The following ARHGEF28 variants were observed in gnomAD, a reference collection of about 807,000 sequenced individuals.
The protein encoded by ARHGEF28 is Rho guanine nucleotide exchange factor 28, also known as 190 kDa guanine nucleotide exchange factor.
ARHGEF28 carries 152 observed loss-of-function variants against 206.6 expected under a neutral mutation model. The observed-to-expected ratio is 0.74, with a 90% CI of 0.64 to 0.84. ARHGEF28 has a LOEUF of 0.84. ARHGEF28 is among the 40% of genes least tolerant of loss of function. ARHGEF28 has a pLI of 0.00. For missense variants in ARHGEF28, 2,028 were observed against 2,073.2 expected (o/e 0.98, Z 0.42); for synonymous variants, 763 against 776.4 (o/e 0.98, Z 0.29).
intron 7 of ARHGEF28, 83 bp from the exon 8 acceptor site, chr5:73,794,319 C>T: frequency 8.5e-7 from 1 of 1,171,978 alleles, no homozygotes; most frequent in Non-Finnish European, 1.2e-6. Context: ...CTGGGCAACT[C>T]ATTTACACTT....
At chr5:73,721,431 A>G (rs1411166700) in intron 2 of ARHGEF28, among the ~76,000 whole-genome samples, 2 of 152,218 alleles carry the variant, frequency 1.3e-5, no homozygotes, top group African/African-American at 4.8e-5. Context: ...GCAAATAGGG[A>G]AAAATCTGAA....
chr5:73,793,841 A>G (rs554109578), intron 7 of ARHGEF28, among the ~76,000 whole-genome samples: 1 of 147,076 alleles, frequency 6.8e-6, no homozygotes, highest in African/African-American at 2.5e-5. Flanking sequence ...CCTGACCACT[A>G]CTGTTTCCAG....
intron 2 of ARHGEF28, among the ~76,000 whole-genome samples, chr5:73,740,623 C>T (rs1265167207): frequency 6.6e-6 from 1 of 152,180 alleles, no homozygotes; most frequent in Non-Finnish European, 1.5e-5. Flanking sequence ...ACCATTTACC[C>T]ATGAGTCGTC....
intron 14 of ARHGEF28, among the ~76,000 whole-genome samples, chr5:73,853,573 CTT>C (rs1477475413): frequency 6.6e-6 from 1 of 151,758 alleles, no homozygotes; most frequent in East Asian, 1.9e-4. Flanking sequence ...AGAATAGAAA[CTT>C]TCAAATGATA....
At chr5:73,771,575 C>T (rs1753226976) in intron 4 of ARHGEF28, among the ~76,000 whole-genome samples, 1 of 151,472 alleles carries the variant, frequency 6.6e-6, no homozygotes, top group Admixed American at 6.6e-5. Flanking sequence ...GAAATTCCAT[C>T]TTAGTATGCC....
chr5:73,907,830 C>A (rs1228854903), intron 33 of ARHGEF28, among the ~76,000 whole-genome samples: 1 of 152,114 alleles, frequency 6.6e-6, no homozygotes, highest in Non-Finnish European at 1.5e-5. Flanking sequence ...GGCCTTATCC[C>A]AAATGTTAGA....
At chr5:73,917,016 C>G (rs1401701922) in intron 35 of ARHGEF28, among the ~76,000 whole-genome samples, 1 of 152,126 alleles carries the variant, frequency 6.6e-6, no homozygotes. Context: ...AATATTGAAT[C>G]CATTTCCTAT....
rs1473471505 is a variant in ARHGEF28, at chr5:73,909,488, G to A, written c.4238G>A (p.Gly1413Asp). ...CAGCAGCAGGAGGGCCTGTCTCTCG[G>A]CCACTCTATCCTCCGAGGCGGCCCC... is the stretch of plus-strand genomic sequence containing the variant. Reference protein sequence around the residue: ...VLQQQEGLSLGHSILRGGPLQ... With the variant: ...VLQQQEGLSLDHSILRGGPLQ... Residue 1413 changes from glycine to aspartate, a missense_variant, in exon 34 of 36, where the codon GGC becomes GAC. Physicochemically the swap from Gly to Asp is moderately conservative, Grantham distance 94 (BLOSUM62 -1). Transcript: ENST00000513042. The A allele has an allele frequency of 6.2e-7, 1 of 1,612,288 alleles. No individual in the cohort carries two copies. Among genetic ancestry groups the A allele is most frequent in the South Asian group, 1.1e-5 (1 of 90,832 alleles).
At position 73,658,139 on chromosome 5, in the gene ARHGEF28, T is replaced by TAA. The variant is rs35220235; in HGVS notation, c.-11-26689_-11-26688dup. On this transcript the variant is annotated intron_variant, in intron 1 of 35. Coordinates refer to ENST00000513042, the MANE Select transcript of ARHGEF28 (RefSeq NM_001177693.2). ...TTGGGTAGAAAGGAAGTCCTTTTTT[T>TAA]AAAAAAAAAAAAAACTCAATTAACA... is the stretch of plus-strand genomic sequence containing the variant. Among the ~76,000 whole-genome samples, 572 of 146,506 alleles carry TAA rather than the reference T, an allele frequency of 3.9e-3. 2 individuals carry two copies. The highest frequency in any genetic ancestry group is 9.2e-3 in the African/African-American group (366 of 39,828).
rs528860427 is a variant in ARHGEF28, at chr5:73,853,708, A to T, written c.1790+1016A>T. On this transcript the variant is annotated intron_variant, in intron 14 of 35. Coordinates refer to ENST00000513042, the MANE Select transcript of ARHGEF28 (RefSeq NM_001177693.2). Reference sequence around the variant, plus strand: ...TTACTGACAAATATTGAACATTTGTATGTGCCTTGTACTGTTTTAAGCAGT... The same window carrying T: ...TTACTGACAAATATTGAACATTTGTTTGTGCCTTGTACTGTTTTAAGCAGT... 1.7e-4 allele frequency among the ~76,000 whole-genome samples: 26 copies of T among 152,338 alleles called. No individual in the cohort carries two copies. In the South Asian group the frequency reaches 5.2e-3, roughly 30 times the overall value.
Position 73,769,031 on chromosome 5 carries a change from C to T in ARHGEF28, c.476-4824C>T, listed in dbSNP as rs572599350. Among the ~76,000 whole-genome samples the T allele has an allele frequency of 7.7e-4, 117 of 151,828 alleles. 1 individual carries two copies. The highest frequency in any genetic ancestry group is 2.6e-3 in the African/African-American group (107 of 41,120). ...GTAAGAAGTGCCTTTTGCCTTCCAC[C>T]ATGATTGTGAGGCCTCCCTAGCCAT... On this transcript the variant is annotated intron_variant, in intron 4 of 35. Coordinates refer to ENST00000513042, the MANE Select transcript of ARHGEF28 (RefSeq NM_001177693.2).
At chr5:73,749,796 A>C in intron 2 of ARHGEF28, 41 bp from the exon 3 acceptor site, 1 of 1,609,448 alleles carries the variant, frequency 6.2e-7, no homozygotes. Context: ...TAGAGCCAGG[A>C]CAAGGAAGTC....
chr5:73,780,118 C>G (rs1020957998), intron 6 of ARHGEF28, among the ~76,000 whole-genome samples: 1 of 152,128 alleles, frequency 6.6e-6, no homozygotes, highest in Admixed American at 6.5e-5. Flanking sequence ...AAAGGAAATT[C>G]GGATGGTCCC....
intron 1 of ARHGEF28, among the ~76,000 whole-genome samples, chr5:73,672,771 C>A (rs1366151286): frequency 6.6e-6 from 1 of 152,184 alleles, no homozygotes; most frequent in African/African-American, 2.4e-5. Context: ...TGAGAACAAG[C>A]TTTTAAAGGG....
chr5:73,846,173 C>G lies in ARHGEF28; in HGVS notation c.1428-95C>G. 5 of 1,163,642 alleles carry G rather than the reference C, an allele frequency of 4.3e-6. No homozygotes were observed. In the South Asian group the frequency reaches 5.5e-5, roughly 13 times the overall value. 72.1% of individuals were successfully genotyped at this position (1,163,642 alleles called of 1,614,324 possible). ...ATGAATACCTATTGCACCCCCCCCGCCCCAGTGAAAGAATCTGGATTCAGA... is the reference window on the plus strand; with the variant it reads ...ATGAATACCTATTGCACCCCCCCCGGCCCAGTGAAAGAATCTGGATTCAGA... On this transcript the variant is annotated intron_variant, in intron 11 of 35. Transcript: ENST00000513042.
chr5:73,714,451 A>C (rs1749444686), intron 2 of ARHGEF28, among the ~76,000 whole-genome samples: 1 of 152,192 alleles, frequency 6.6e-6, no homozygotes, highest in East Asian at 1.9e-4. Context: ...CGGGTGTTGA[A>C]ATGTGTCCAG....
chr5:73,892,328 A>T, intron 27 of ARHGEF28, 98 bp downstream of exon 27: 4 of 1,396,374 alleles, frequency 2.9e-6, no homozygotes, highest in Non-Finnish European at 3.9e-6. Context: ...TGCCTCTGCC[A>T]GAATGGTCTG....
At chr5:73,706,323 G>A (rs923735322) in intron 2 of ARHGEF28, among the ~76,000 whole-genome samples, 3 of 152,054 alleles carry the variant, frequency 2.0e-5, no homozygotes, top group Non-Finnish European at 2.9e-5. Context: ...CAGCCTGGGC[G>A]ACAGAGCAAG....
At chr5:73,874,634 G>A (rs1329941132) in intron 22 of ARHGEF28, among the ~76,000 whole-genome samples, 1 of 135,942 alleles carries the variant, frequency 7.4e-6, no homozygotes, top group Non-Finnish European at 1.5e-5. Context: ...TGTTCTTATT[G>A]TTCAATTCCC....
Sources: gnomAD v4.1 joint callset for allele counts (sites outside exome capture counted in the v4.1 genomes callset) on GRCh38, gnomAD v4.1.1 for gene constraint, MANE v1.5 for transcripts, NCBI Gene and HGNC (gene_info 2026-07-23, HGNC 2026-07-21) for gene names.